ARHGAP42: variants seen among roughly 807,000 people sequenced by gnomAD.
The protein encoded by ARHGAP42 is Rho GTPase activating protein 42, also known as rho GTPase-activating protein 42.
ARHGAP42 carries 63 observed loss-of-function variants against 125.0 expected under a neutral mutation model. That is an observed-to-expected ratio of 0.50 (90% confidence interval 0.41 to 0.62). ARHGAP42 has a LOEUF of 0.62. Among genes scored for constraint, ARHGAP42 ranks in the 20% least tolerant of loss-of-function variants. The probability of loss-of-function intolerance (pLI) is 0.00; values close to 1 mark genes in which losing one functional copy is unlikely to be tolerated. For missense variants in ARHGAP42, 766 were observed against 1,024.2 expected, an observed-to-expected ratio of 0.75 and a Z score of 3.44; for synonymous variants, 339 against 351.0, an observed-to-expected ratio of 0.97 and a Z score of 0.38.
At chr11:100,876,698 A>T (rs1043516168) in intron 4 of ARHGAP42, among the ~76,000 whole-genome samples, 1 of 152,202 alleles carries the variant, frequency 6.6e-6, no homozygotes, top group Non-Finnish European at 1.5e-5. Flanking sequence ...AGAGCAAGCA[A>T]TATATTTGCA....
At chr11:100,922,095 G>T (rs768803903) in intron 6 of ARHGAP42, among the ~76,000 whole-genome samples, 1 of 152,034 alleles carries the variant, frequency 6.6e-6, no homozygotes, top group Admixed American at 6.6e-5. Flanking sequence ...ATTAATTAAA[G>T]AAATTTTTTA....
intron 3 of ARHGAP42, among the ~76,000 whole-genome samples, chr11:100,822,721 G>T (rs1445132454): frequency 6.6e-6 from 1 of 152,056 alleles, no homozygotes; most frequent in Non-Finnish European, 1.5e-5. Context: ...CTGTTCTACA[G>T]TGTATGCAGT....
intron 1 of ARHGAP42, among the ~76,000 whole-genome samples, chr11:100,727,442 A>G (rs1487630200): frequency 2.6e-5 from 4 of 152,140 alleles, no homozygotes; most frequent in African/African-American, 4.8e-5. Flanking sequence ...TTGTTCTCCT[A>G]TGATAACTCT....
chr11:100,711,847 G>A (rs936044305), intron 1 of ARHGAP42, among the ~76,000 whole-genome samples: 6 of 152,110 alleles, frequency 3.9e-5, no homozygotes, highest in African/African-American at 9.7e-5. Flanking sequence ...CCTTTACCAG[G>A]AGTCAAAGAA....
chr11:100,747,093 C>T (rs7933646), intron 1 of ARHGAP42, among the ~76,000 whole-genome samples: 2,013 of 152,178 alleles, frequency 0.013, 58 homozygotes, highest in African/African-American at 0.046. Flanking sequence ...ATTGGAAACT[C>T]CAAAGGTGGT....
chr11:100,952,437 T>C (rs1857683105), intron 12 of ARHGAP42, among the ~76,000 whole-genome samples: 1 of 152,196 alleles, frequency 6.6e-6, no homozygotes, highest in Non-Finnish European at 1.5e-5. Flanking sequence ...AAATTAAGTA[T>C]TGTAAACCTT....
At chr11:100,788,444 C>G (rs1591181903) in intron 2 of ARHGAP42, among the ~76,000 whole-genome samples, 2 of 152,142 alleles carry the variant, frequency 1.3e-5, no homozygotes, top group African/African-American at 4.8e-5. Context: ...CCTCCAAGTA[C>G]TAGGTCGTAT....
At chr11:100,707,641 G>A (rs1343296627) in intron 1 of ARHGAP42, among the ~76,000 whole-genome samples, 2 of 152,168 alleles carry the variant, frequency 1.3e-5, no homozygotes, top group African/African-American at 4.8e-5. Flanking sequence ...GAGCAAGGAC[G>A]AAAGAGGTGA....
At chr11:100,948,098 T>C (rs555825) in intron 10 of ARHGAP42, among the ~76,000 whole-genome samples, 126,513 of 151,930 alleles carry the variant, frequency 0.83, 52,756 homozygotes, top group African/African-American at 0.87. Context: ...CAGGGTCAAG[T>C]TCTCATATTG....
intron 3 of ARHGAP42, among the ~76,000 whole-genome samples, chr11:100,804,177 T>C (rs1317690127): frequency 1.3e-5 from 2 of 152,172 alleles, no homozygotes; most frequent in East Asian, 3.9e-4. Context: ...TTTCAGAGAT[T>C]GTGGGTCTCA....
intron 1 of ARHGAP42, among the ~76,000 whole-genome samples, chr11:100,762,093 CT>C (rs1667850207): frequency 6.6e-6 from 1 of 152,188 alleles, no homozygotes; most frequent in Non-Finnish European, 1.5e-5. Context: ...ATCTGAGCAC[CT>C]TCATCACATA....
intron 3 of ARHGAP42, among the ~76,000 whole-genome samples, chr11:100,836,980 T>C (rs945723463): frequency 2.0e-5 from 3 of 152,130 alleles, no homozygotes; most frequent in African/African-American, 4.8e-5. Flanking sequence ...ATAATTCTTA[T>C]GTCGACTTCA....
chr11:100,788,437 C>G (rs1863486037), intron 2 of ARHGAP42, among the ~76,000 whole-genome samples: 1 of 152,120 alleles, frequency 6.6e-6, no homozygotes, highest in Admixed American at 6.5e-5. Flanking sequence ...ATGTATGCCT[C>G]CAAGTACTAG....
At chr11:100,939,269 G>A (rs997315476) in intron 8 of ARHGAP42, among the ~76,000 whole-genome samples, 2 of 152,070 alleles carry the variant, frequency 1.3e-5, no homozygotes, top group Non-Finnish European at 1.5e-5. Context: ...TTATAAAAGA[G>A]AGGGATTTAA....
intron 22 of ARHGAP42, chr11:100,986,122 G>T (rs1479997560): frequency 1.5e-5 from 7 of 456,398 alleles, no homozygotes; most frequent in Non-Finnish European, 2.6e-5. Flanking sequence ...CGTTCGTGGA[G>T]ATTTTATTGT....
At chr11:100,899,607 T>C (rs572052858) in intron 4 of ARHGAP42, among the ~76,000 whole-genome samples, 49 of 152,278 alleles carry the variant, frequency 3.2e-4, no homozygotes, top group African/African-American at 1.1e-3. Flanking sequence ...TGGACTTCTT[T>C]GTCTCTTTTG....
rs1202578078 is a variant in ARHGAP42 at position 100,859,504 on chromosome 11, G to A, written c.313-50G>A. On this transcript the variant is annotated intron_variant, in intron 3 of 23. Coordinates refer to ENST00000298815, the MANE Select transcript of ARHGAP42 (RefSeq NM_152432.4). ...ATAAAGTAGCCATTTTTTCAATGTT[G>A]TTGGCATGAAATTATGCAAGATTTA... 5.5e-6 allele frequency: 8 copies of A among 1,453,830 alleles called. No homozygotes were observed. The East Asian group carries it at 1.0e-4, about 18-fold the overall frequency. 90.1% of individuals were successfully genotyped at this position (1,453,830 alleles called of 1,614,324 possible). A position where few individuals can be genotyped will look rare whatever the true frequency, so the allele number is the denominator to read the frequency against.
At position 100,973,340 on chromosome 11, in the gene ARHGAP42, C is replaced by T. The variant is rs988556575; in HGVS notation, c.1710+6C>T. On this transcript the variant is annotated splice_donor_region_variant and intron_variant, in intron 18 of 23. Transcript: ENST00000298815. ...TGATAGAGCACTATGAAAAGGTAGG[C>T]GGAATTTTCATGTGGAAGTGTCAAG... is the stretch of plus-strand genomic sequence containing the variant. The T allele has an allele frequency of 1.9e-5, 30 of 1,547,020 alleles. No individual in the cohort carries two copies. In the East Asian group the frequency reaches 2.9e-4, roughly 15 times the overall value.
chr11:100,826,784 T>C (rs1037005170), intron 3 of ARHGAP42, among the ~76,000 whole-genome samples: 1 of 152,190 alleles, frequency 6.6e-6, no homozygotes, highest in Non-Finnish European at 1.5e-5. Context: ...CTCTGGGGTA[T>C]GTAATTCTTT....
Sources: allele counts gnomAD v4.1 joint callset (sites outside exome capture counted in the v4.1 genomes callset), GRCh38; gene constraint gnomAD v4.1.1; transcripts MANE v1.5; gene names NCBI Gene and HGNC (gene_info 2026-07-23, HGNC 2026-07-21).